Variants in ADGRL3 observed in about 807,000 individuals in gnomAD.
ADGRL3 encodes the protein adhesion G protein-coupled receptor L3.
In ADGRL3, 62 loss-of-function variants were observed where a neutral mutation model predicts 153.5. The observed-to-expected ratio is 0.40, with a 90% CI of 0.33 to 0.50. The LOEUF (loss-of-function observed/expected upper bound fraction) is 0.50. Among genes scored for constraint, ADGRL3 ranks in the 20% least tolerant of loss-of-function variants. The pLI is 0.47. For synonymous variants in ADGRL3, 710 were observed against 672.5 expected, an observed-to-expected ratio of 1.06 and a Z score of -0.86; for missense variants, 1,641 against 1,859.4, an observed-to-expected ratio of 0.88 and a Z score of 2.16.
chr4:62,033,185 A>G (rs1723094475), intron 23 of ADGRL3, among the ~76,000 whole-genome samples: 1 of 151,744 alleles, frequency 6.6e-6, no homozygotes, highest in Non-Finnish European at 1.5e-5. Context: ...GGGTTTTGAC[A>G]TCCAACAGGA....
chr4:61,287,933 C>A (rs1411053244), intron 1 of ADGRL3, among the ~76,000 whole-genome samples: 1 of 151,878 alleles, frequency 6.6e-6, no homozygotes, highest in Non-Finnish European at 1.5e-5. Flanking sequence ...GTTGAGCGGG[C>A]CTTAGCTTAA....
At chr4:61,421,273 G>T (rs986577519) in intron 2 of ADGRL3, among the ~76,000 whole-genome samples, 3 of 152,064 alleles carry the variant, frequency 2.0e-5, no homozygotes, top group Non-Finnish European at 2.9e-5. Flanking sequence ...GGCGGAGCTT[G>T]CAGTGAGCCA....
intron 9 of ADGRL3, among the ~76,000 whole-genome samples, chr4:61,881,466 C>T (rs932107371): frequency 2.0e-5 from 3 of 152,182 alleles, no homozygotes; most frequent in Non-Finnish European, 4.4e-5. Context: ...GCAACCTCCG[C>T]CTCCCAGGCT....
intron 1 of ADGRL3, among the ~76,000 whole-genome samples, chr4:61,294,580 T>C (rs185726741): frequency 6.6e-6 from 1 of 152,278 alleles, no homozygotes; most frequent in African/African-American, 2.4e-5. Context: ...TAATTGATAG[T>C]GCATCAGTTT....
At chr4:62,012,794 G>T (rs1318078864) in intron 21 of ADGRL3, among the ~76,000 whole-genome samples, 3 of 152,096 alleles carry the variant, frequency 2.0e-5, no homozygotes, top group South Asian at 2.1e-4. Flanking sequence ...TATAAAATCT[G>T]GCCAGCAGAA....
intron 6 of ADGRL3, among the ~76,000 whole-genome samples, chr4:61,687,298 A>G (rs2095464486): frequency 6.6e-6 from 1 of 151,988 alleles, no homozygotes; most frequent in African/African-American, 2.4e-5. Flanking sequence ...AAGTATATTG[A>G]GATGGGAGGT....
At chr4:62,031,818 T>G (rs1722199476) in intron 23 of ADGRL3, among the ~76,000 whole-genome samples, 1 of 151,540 alleles carries the variant, frequency 6.6e-6, no homozygotes, top group Non-Finnish European at 1.5e-5. Context: ...ATAAAAACAT[T>G]TTCTGATTTA....
At chr4:61,595,304 C>T (rs2098984544) in intron 5 of ADGRL3, among the ~76,000 whole-genome samples, 1 of 152,134 alleles carries the variant, frequency 6.6e-6, no homozygotes, top group African/African-American at 2.4e-5. Context: ...GTCTCAGAGC[C>T]CAAGGCCCAT....
At chr4:61,767,203 A>C (rs188089060) in intron 8 of ADGRL3, among the ~76,000 whole-genome samples, 4 of 151,976 alleles carry the variant, frequency 2.6e-5, no homozygotes, top group Admixed American at 6.6e-5. Flanking sequence ...GAAGAAGAGC[A>C]GCAATGAGAT....
intron 25 of ADGRL3, chr4:62,063,756 T>G: frequency 2.1e-6 from 1 of 478,340 alleles, no homozygotes; most frequent in Non-Finnish European, 3.7e-6. Flanking sequence ...GCAGACTCCT[T>G]TCGCATTCCA....
intron 5 of ADGRL3, among the ~76,000 whole-genome samples, chr4:61,602,100 T>G (rs2099014602): frequency 9.6e-6 from 1 of 103,910 alleles, no homozygotes; most frequent in African/African-American, 3.1e-5. Flanking sequence ...TGATCCATGC[T>G]AAAATGACCT....
At position 61,209,022 on chromosome 4, in the gene ADGRL3, A is replaced by G. The variant is rs541787604; in HGVS notation, c.-240+7257A>G. On this transcript the variant is annotated intron_variant, in intron 1 of 26. Transcript: ENST00000683033. Reference sequence around the variant, plus strand: ...GAACTGTGTAATACTTTTAAATGAGACTTTGGCAACTATTTAAGAACTTTA... The same window carrying G: ...GAACTGTGTAATACTTTTAAATGAGGCTTTGGCAACTATTTAAGAACTTTA... Among the ~76,000 whole-genome samples, 96 of 152,188 alleles carry G rather than the reference A, an allele frequency of 6.3e-4. 2 individuals carry two copies. The South Asian group carries it at 0.019, about 31-fold the overall frequency.
At chr4:61,373,083 C>T (rs764240012) in intron 1 of ADGRL3, among the ~76,000 whole-genome samples, 85 of 152,294 alleles carry the variant, frequency 5.6e-4, no homozygotes, top group African/African-American at 6.5e-4. Context: ...CGCCCTGCTT[C>T]GGCTCGTGCA....
intron 1 of ADGRL3, among the ~76,000 whole-genome samples, chr4:61,340,841 T>G (rs2095793978): frequency 6.6e-6 from 1 of 151,444 alleles, no homozygotes; most frequent in Non-Finnish European, 1.5e-5. Flanking sequence ...TATATATATA[T>G]ATATAAAATA....
At chr4:61,592,589 G>C (rs1195271479) in intron 5 of ADGRL3, among the ~76,000 whole-genome samples, 1 of 152,106 alleles carries the variant, frequency 6.6e-6, no homozygotes, top group Non-Finnish European at 1.5e-5. Context: ...CCTAAATGTA[G>C]AGAATATGGA....
intron 1 of ADGRL3, among the ~76,000 whole-genome samples, chr4:61,331,664 A>G (rs561709433): frequency 6.6e-6 from 1 of 152,116 alleles, no homozygotes; most frequent in Non-Finnish European, 1.5e-5. Context: ...TGAATTTTGT[A>G]TTTAGTTATC....
intron 25 of ADGRL3, among the ~76,000 whole-genome samples, chr4:62,054,784 T>C (rs890865025): frequency 4.0e-5 from 6 of 151,470 alleles, no homozygotes; most frequent in African/African-American, 1.5e-4. Flanking sequence ...TAAATGAAAT[T>C]CAACTGCCCA....
intron 8 of ADGRL3, among the ~76,000 whole-genome samples, chr4:61,778,905 A>G (rs968920020): frequency 5.9e-5 from 9 of 152,088 alleles, no homozygotes; most frequent in Non-Finnish European, 1.3e-4. Context: ...TAAAAATACA[A>G]AAATTAGCTG....
chr4:62,029,461 G>C (rs769858125), intron 22 of ADGRL3, among the ~76,000 whole-genome samples: 21 of 151,618 alleles, frequency 1.4e-4, no homozygotes, highest in Non-Finnish European at 3.0e-4. Flanking sequence ...ATATATTTCA[G>C]TGTCTGAAAT....
Sources: allele counts gnomAD v4.1 joint callset (sites outside exome capture counted in the v4.1 genomes callset), GRCh38; gene constraint gnomAD v4.1.1; transcripts MANE v1.5; gene names NCBI Gene and HGNC (gene_info 2026-07-23, HGNC 2026-07-21).